The following ZMYM4 variants were observed in gnomAD, a reference collection of about 807,000 sequenced individuals.
ZMYM4 encodes the protein zinc finger MYM-type containing 4.
A neutral mutation model predicts 183.2 loss-of-function variants in ZMYM4; 31 were observed. The observed-to-expected ratio is 0.17, with a 90% confidence interval of 0.13 to 0.23. The LOEUF (loss-of-function observed/expected upper bound fraction) is 0.23, where lower values mean the gene tolerates loss of function less well. Among genes scored for constraint, ZMYM4 ranks in the 10% least tolerant of loss-of-function variants. The pLI is 1.00. For missense variants in ZMYM4, 1,273 were observed against 1,840.3 expected (o/e 0.69, Z 5.64); for synonymous variants, 592 against 631.2 (o/e 0.94, Z 0.93).
chr1:35,283,537 C>G (rs1160684277), intron 1 of ZMYM4, among the ~76,000 whole-genome samples: 2 of 151,242 alleles, frequency 1.3e-5, no homozygotes, highest in Non-Finnish European at 2.9e-5. Context: ...ACAGGTTTCA[C>G]CATGTTAGCC....
chr1:35,294,263 T>C (rs967147648), intron 1 of ZMYM4, among the ~76,000 whole-genome samples: 4 of 152,216 alleles, frequency 2.6e-5, no homozygotes, highest in Non-Finnish European at 5.9e-5. Context: ...ATAGAATGTG[T>C]GAAAACTCTG....
At chr1:35,284,131 C>T (rs571743504) in intron 1 of ZMYM4, among the ~76,000 whole-genome samples, 2 of 151,798 alleles carry the variant, frequency 1.3e-5, no homozygotes, top group Admixed American at 6.6e-5. Context: ...TGCCCGCCAC[C>T]GCGCCCTGCT....
At chr1:35,345,137 C>T (rs1217408835) in intron 2 of ZMYM4, among the ~76,000 whole-genome samples, 2 of 152,326 alleles carry the variant, frequency 1.3e-5, no homozygotes, top group Middle Eastern at 3.4e-3. Flanking sequence ...GGGTGCAGAA[C>T]TGAAGTTTTA....
At position 35,370,211 on chromosome 1, in the gene ZMYM4, C is replaced by T. The variant is rs1371329585; in HGVS notation, c.925+98C>T. 4 of 1,525,552 alleles carry T rather than the reference C, an allele frequency of 2.6e-6. No individual in the cohort carries two copies. In the East Asian group the frequency reaches 6.9e-5, roughly 26 times the overall value. 94.5% of individuals were successfully genotyped at this position (1,525,552 alleles called of 1,614,324 possible). A position where few individuals can be genotyped will look rare whatever the true frequency, so the allele number is the denominator to read the frequency against. ...TTAATAAACCAGGCAGCTCTCTCTA[C>T]CCACTTAGGATGCCTTTAAATTGTA... On this transcript the variant is annotated intron_variant, in intron 6 of 29. Transcript: ENST00000314607.
intron 1 of ZMYM4, among the ~76,000 whole-genome samples, chr1:35,309,783 TA>T (rs548958369): frequency 2.0e-5 from 3 of 151,110 alleles, no homozygotes; most frequent in African/African-American, 7.3e-5. Context: ...GACTCTGTCT[TA>T]AAAAAAAACC....
At chr1:35,289,690 T>A (rs1043031768) in intron 1 of ZMYM4, among the ~76,000 whole-genome samples, 1 of 152,122 alleles carries the variant, frequency 6.6e-6, no homozygotes, top group Non-Finnish European at 1.5e-5. Flanking sequence ...GATATTCAGC[T>A]GCATACTTAA....
intron 1 of ZMYM4, among the ~76,000 whole-genome samples, chr1:35,282,886 C>G (rs887569245): frequency 6.7e-6 from 1 of 149,126 alleles, no homozygotes; most frequent in African/African-American, 2.5e-5. Flanking sequence ...ACCTTTTGCA[C>G]AGGGGCTATA....
chr1:35,384,844 T>TC (rs201105497), intron 9 of ZMYM4, among the ~76,000 whole-genome samples: 1,984 of 143,076 alleles, frequency 0.014, 53 homozygotes, highest in African/African-American at 0.05. Context: ...TCTTTTTCTT[T>TC]TTTTTTTTTT....
At chr1:35,277,647 T>G (rs11809747) in intron 1 of ZMYM4, among the ~76,000 whole-genome samples, 2,089 of 152,322 alleles carry the variant, frequency 0.014, 52 homozygotes, top group African/African-American at 0.046. Context: ...TGATTTTTTT[T>G]GGTCATTTCT....
intron 2 of ZMYM4, among the ~76,000 whole-genome samples, chr1:35,330,347 A>G (rs965958467): frequency 1.3e-5 from 2 of 152,194 alleles, no homozygotes; most frequent in African/African-American, 4.8e-5. Context: ...GTTATCAAGA[A>G]AGCTCTTCCA....
chr1:35,376,532 C>CTT (rs72448948), intron 7 of ZMYM4, among the ~76,000 whole-genome samples: 76 of 149,864 alleles, frequency 5.1e-4, no homozygotes, highest in South Asian at 2.1e-3. Context: ...ATTTATACTT[C>CTT]TTTTTTTTTT....
rs781583500 is a variant in ZMYM4 at position 35,390,142 on chromosome 1, T to C, written c.2587+44T>C. 106 of 1,578,604 alleles carry C rather than the reference T, an allele frequency of 6.7e-5. 1 individual carries two copies. Among genetic ancestry groups the C allele is most frequent in the Non-Finnish European group, 9.0e-5 (104 of 1,157,982 alleles). On this transcript the variant is annotated intron_variant, in intron 15 of 29. Coordinates refer to ENST00000314607, the MANE Select transcript of ZMYM4 (RefSeq NM_005095.3). ...ACTGAATGGAGTCTTTGGTCAATACTAGGAACTACTGTTCTTTTACAGATC... is the reference window on the plus strand; with the variant it reads ...ACTGAATGGAGTCTTTGGTCAATACCAGGAACTACTGTTCTTTTACAGATC...
intron 1 of ZMYM4, among the ~76,000 whole-genome samples, chr1:35,278,550 C>T (rs1252843370): frequency 6.6e-6 from 1 of 151,940 alleles, no homozygotes; most frequent in African/African-American, 2.4e-5. Context: ...CTCAGTCTCC[C>T]AAGTAGCTGG....
At chr1:35,283,160 C>A (rs1474461406) in intron 1 of ZMYM4, among the ~76,000 whole-genome samples, 2 of 138,638 alleles carry the variant, frequency 1.4e-5, no homozygotes, top group Admixed American at 1.5e-4. Context: ...TGTGTGCCAT[C>A]ATGCCTGGCT....
At chr1:35,314,852 C>G (rs1641973045) in intron 1 of ZMYM4, among the ~76,000 whole-genome samples, 1 of 150,776 alleles carries the variant, frequency 6.6e-6, no homozygotes, top group Non-Finnish European at 1.5e-5. Flanking sequence ...TGGTGAAACC[C>G]TGTCTCTATT....
At chr1:35,397,122 A>G in intron 19 of ZMYM4, 1 of 1,087,938 alleles carries the variant, frequency 9.2e-7, no homozygotes, top group Non-Finnish European at 1.1e-6. Flanking sequence ...CAAAAACAAA[A>G]TGCAAGTGTA....
chr1:35,308,906 G>A (rs1641672147), intron 1 of ZMYM4: 1 of 958,558 alleles, frequency 1.0e-6, no homozygotes, highest in Non-Finnish European at 1.2e-6. Context: ...TTTTGCTTTT[G>A]GAAGATTCAT....
intron 18 of ZMYM4, among the ~76,000 whole-genome samples, chr1:35,394,288 G>A (rs1570515390): frequency 6.7e-6 from 1 of 149,396 alleles, no homozygotes; most frequent in East Asian, 2.0e-4. Flanking sequence ...GCCTCCCCTG[G>A]CATGGAACTT....
rs748538403 is a variant in ZMYM4 at position 35,390,144 on chromosome 1, G to A, written c.2587+46G>A. The A allele has an allele frequency of 3.2e-6, 5 of 1,572,210 alleles. No homozygotes were observed. The Admixed American group carries it at 7.0e-5, about 22-fold the overall frequency. ...TGAATGGAGTCTTTGGTCAATACTA[G>A]GAACTACTGTTCTTTTACAGATCAG... On this transcript the variant is annotated intron_variant, in intron 15 of 29. Transcript: ENST00000314607.
Sources: gnomAD v4.1 joint callset for allele counts (sites outside exome capture counted in the v4.1 genomes callset) on GRCh38, gnomAD v4.1.1 for gene constraint, MANE v1.5 for transcripts, NCBI Gene and HGNC (gene_info 2026-07-23, HGNC 2026-07-21) for gene names.